DNAH11: variants seen among roughly 807,000 people sequenced by gnomAD.
DNAH11 encodes the protein axonemal beta dynein heavy chain 11.
A neutral mutation model predicts 526.0 loss-of-function variants in DNAH11; 442 were observed. The ratio of observed to expected loss-of-function variants is 0.84; its 90% CI spans 0.78 to 0.91. DNAH11 has a LOEUF of 0.91. DNAH11 is among the 40% of genes least tolerant of loss of function. The probability of loss-of-function intolerance (pLI) is 0.00; values close to 1 mark genes in which losing one functional copy is unlikely to be tolerated. For missense variants in DNAH11, 6,989 were observed against 5,448.7 expected, an observed-to-expected ratio of 1.28 and a Z score of -8.90; for synonymous variants, 2,461 against 1,935.9, an observed-to-expected ratio of 1.27 and a Z score of -7.12.
chr7:21,747,484 C>A (rs531034447), intron 51 of DNAH11, among the ~76,000 whole-genome samples: 2 of 152,178 alleles, frequency 1.3e-5, no homozygotes, highest in African/African-American at 4.8e-5. Context: ...TATCTACATG[C>A]CTATATTTTG....
At chr7:21,672,749 A>G (rs1451638351) in intron 30 of DNAH11, among the ~76,000 whole-genome samples, 2 of 152,008 alleles carry the variant, frequency 1.3e-5, no homozygotes, top group Non-Finnish European at 2.9e-5. Flanking sequence ...TTAAACCTAT[A>G]GTATTTAGGG....
intron 73 of DNAH11, among the ~76,000 whole-genome samples, 136 bp from the exon 74 acceptor site, chr7:21,873,111 TTGATGTATTGATAAAGGAAAATTTTTA>T (rs919519426): frequency 1.3e-5 from 2 of 151,776 alleles, no homozygotes; most frequent in Non-Finnish European, 2.9e-5. Flanking sequence ...TTTTGATGTA[TTGATGTATTGATAAAGGAAAATTTTTA>T]TGATGTATTG....
At chr7:21,618,980 A>G (rs1192187790) in intron 23 of DNAH11, 120 bp from the exon 24 acceptor site, 5 of 1,262,062 alleles carry the variant, frequency 4.0e-6, no homozygotes, top group Non-Finnish European at 5.6e-6. Context: ...TCAAGACGAG[A>G]GATGTACTCA....
intron 74 of DNAH11, among the ~76,000 whole-genome samples, chr7:21,877,641 C>T (rs571018945): frequency 3.0e-4 from 45 of 151,758 alleles, no homozygotes; most frequent in Admixed American, 1.1e-3. Flanking sequence ...TTTGGGAGGC[C>T]GAGGCGGGCG....
chr7:21,580,702 A>G (rs925713381), intron 8 of DNAH11, among the ~76,000 whole-genome samples: 1 of 152,102 alleles, frequency 6.6e-6, no homozygotes, highest in African/African-American at 2.4e-5. Context: ...CCTCTTTTAT[A>G]TGGGCACTGA....
At chr7:21,605,726 A>G (rs1785254685) in intron 18 of DNAH11, among the ~76,000 whole-genome samples, 1 of 152,176 alleles carries the variant, frequency 6.6e-6, no homozygotes, top group East Asian at 1.9e-4. Flanking sequence ...TTCACTTGCT[A>G]AATTACTAAA....
At chr7:21,593,508 T>A (rs1784763426) in intron 14 of DNAH11, among the ~76,000 whole-genome samples, 1 of 152,086 alleles carries the variant, frequency 6.6e-6, no homozygotes, top group Non-Finnish European at 1.5e-5. Flanking sequence ...TTTCAGGATG[T>A]TTGTATGTTA....
At chr7:21,851,727 G>C in intron 66 of DNAH11, 1 of 463,620 alleles carries the variant, frequency 2.2e-6, no homozygotes, top group South Asian at 1.6e-5. Context: ...CAGTGTTCCC[G>C]AGAAGCTGTG....
intron 31 of DNAH11, among the ~76,000 whole-genome samples, chr7:21,682,030 A>G (rs1339953530): frequency 2.0e-5 from 3 of 152,180 alleles, no homozygotes; most frequent in Admixed American, 6.5e-5. Context: ...TACACAGCCA[A>G]TAGCAGTAAG....
intron 66 of DNAH11, chr7:21,851,239 G>C (rs975189735): frequency 2.3e-5 from 5 of 221,954 alleles, no homozygotes; most frequent in Non-Finnish European, 3.7e-5. Flanking sequence ...GTTTTATAAG[G>C]GGCTTTTCCC....
chr7:21,636,551 A>G (rs961107443), intron 26 of DNAH11, among the ~76,000 whole-genome samples: 6 of 152,132 alleles, frequency 3.9e-5, no homozygotes, highest in Non-Finnish European at 8.8e-5. Flanking sequence ...CCTAGGCAGT[A>G]TGGTGAGATC....
chr7:21,578,291 A>T (rs1258911449), intron 8 of DNAH11, among the ~76,000 whole-genome samples: 1 of 152,258 alleles, frequency 6.6e-6, no homozygotes, highest in Non-Finnish European at 1.5e-5. Flanking sequence ...AAATTGGCCA[A>T]AACAAAGGGG....
chr7:21,743,698 T>G (rs1786021052), intron 49 of DNAH11, among the ~76,000 whole-genome samples: 1 of 152,218 alleles, frequency 6.6e-6, no homozygotes, highest in Non-Finnish European at 1.5e-5. Context: ...AATACCGTGC[T>G]GTTTAAAAGC....
chr7:21,736,667 G>A (rs927865160), intron 46 of DNAH11, among the ~76,000 whole-genome samples: 15 of 152,014 alleles, frequency 9.9e-5, no homozygotes, highest in African/African-American at 3.6e-4. Context: ...TAATCATTTG[G>A]TCTTGTCTTT....
At chr7:21,871,749 C>T (rs569726678) in intron 73 of DNAH11, among the ~76,000 whole-genome samples, 3 of 152,122 alleles carry the variant, frequency 2.0e-5, no homozygotes, top group Admixed American at 1.3e-4. Context: ...GCCAACTTTC[C>T]GTGTCTTCAT....
chr7:21,680,369 C>A (rs1183761421), intron 30 of DNAH11, among the ~76,000 whole-genome samples: 1 of 152,142 alleles, frequency 6.6e-6, no homozygotes. Context: ...CAGTATGATA[C>A]CTGGAATAAG....
At chr7:21,636,729 A>G (rs1366880628) in intron 26 of DNAH11, among the ~76,000 whole-genome samples, 1 of 152,088 alleles carries the variant, frequency 6.6e-6, no homozygotes, top group East Asian at 1.9e-4. Context: ...ACAGAATGAG[A>G]CCCTGTCTCC....
At chr7:21,829,031 C>T (rs536030573) in intron 65 of DNAH11, among the ~76,000 whole-genome samples, 2 of 152,110 alleles carry the variant, frequency 1.3e-5, no homozygotes, top group East Asian at 1.9e-4. Context: ...CAGCCCTTCC[C>T]GCTGAGGTTG....
intron 53 of DNAH11, 112 bp from the exon 54 acceptor site, chr7:21,750,110 C>T (rs1366686823): frequency 7.4e-7 from 1 of 1,348,352 alleles, no homozygotes; most frequent in African/African-American, 1.5e-5. Flanking sequence ...ATTTTAAACT[C>T]TTACCATTTA....
Sources: allele counts gnomAD v4.1 joint callset (sites outside exome capture counted in the v4.1 genomes callset), GRCh38; gene constraint gnomAD v4.1.1; transcripts MANE v1.5; gene names NCBI Gene and HGNC (gene_info 2026-07-23, HGNC 2026-07-21).